The following STX6 variants were observed in gnomAD, a reference collection of about 807,000 sequenced individuals.
The protein encoded by STX6 is syntaxin 6.
A neutral mutation model predicts 38.0 loss-of-function variants in STX6; 23 were observed. The ratio of observed to expected loss-of-function variants is 0.60; its 90% CI spans 0.43 to 0.86. STX6 has a LOEUF of 0.86. Ranked by LOEUF, STX6 falls within the 40% of genes least tolerant of loss-of-function variation. The pLI is 0.00. For missense variants in STX6, 274 were observed against 312.9 expected, an observed-to-expected ratio of 0.88 and a Z score of 0.94; for synonymous variants, 123 against 107.5, an observed-to-expected ratio of 1.14 and a Z score of -0.89.
chr1:180,990,070 C>T lies in STX6; in HGVS notation c.403G>A (p.Gly135Arg). 3 of 1,614,132 alleles carry T rather than the reference C, an allele frequency of 1.9e-6. No homozygotes were observed. The highest frequency in any genetic ancestry group is 2.5e-6 in the Non-Finnish European group (3 of 1,180,008). Residue 135 changes from glycine to arginine, a missense_variant, in exon 5 of 8, where the codon GGA becomes AGA. By Grantham distance (125) the Gly-to-Arg change is moderately radical. Coordinates refer to ENST00000258301, the MANE Select transcript of STX6 (RefSeq NM_005819.6). ...GDSGSQNWST[G>R]TTDKYGRLDR... ...AGACGCCCATATTTATCTGTTGTTC[C>T]AGTGCTCCAGTTCTGGCTGCCACTG...
At chr1:181,020,471 C>T (rs950489071) in intron 1 of STX6, among the ~76,000 whole-genome samples, 6 of 152,156 alleles carry the variant, frequency 3.9e-5, no homozygotes, top group African/African-American at 1.4e-4. Flanking sequence ...AAATGACATA[C>T]ATGGCTGGCA....
chr1:180,997,333 G>T (rs1036428063), intron 3 of STX6, among the ~76,000 whole-genome samples: 5 of 152,180 alleles, frequency 3.3e-5, no homozygotes, highest in Non-Finnish European at 5.9e-5. Flanking sequence ...TTAAAATGTG[G>T]TCAGTGCAAC....
Position 180,988,355 on chromosome 1 carries a change from G to T in STX6, c.490-10C>A. On this transcript the variant is annotated splice_polypyrimidine_tract_variant and intron_variant, in intron 5 of 7. Coordinates refer to ENST00000258301, the MANE Select transcript of STX6 (RefSeq NM_005819.6). Reference sequence around the variant, plus strand: ...GCTGTTCCACGATCAACTGGTGCCAGAGAAATGGGAAATAAGCAATTAAAA... The same window carrying T: ...GCTGTTCCACGATCAACTGGTGCCATAGAAATGGGAAATAAGCAATTAAAA... The T allele has an allele frequency of 6.2e-7, 1 of 1,607,010 alleles. No homozygotes were observed.
intron 1 of STX6, among the ~76,000 whole-genome samples, chr1:181,019,692 G>A (rs1656670448): frequency 6.6e-6 from 1 of 152,258 alleles, no homozygotes; most frequent in East Asian, 1.9e-4. Flanking sequence ...ATTAAGTAGG[G>A]TACACCTGTC....
intron 4 of STX6, among the ~76,000 whole-genome samples, chr1:180,992,702 G>T (rs143208338): frequency 1.7e-4 from 26 of 152,312 alleles, no homozygotes; most frequent in Non-Finnish European, 3.2e-4. Context: ...AATTCTAGAT[G>T]ATCATTCTAC....
chr1:180,983,789 G>A (rs1419964622), intron 7 of STX6, among the ~76,000 whole-genome samples: 2 of 152,154 alleles, frequency 1.3e-5, no homozygotes, highest in Admixed American at 6.5e-5. Context: ...ACTGGGCTGG[G>A]CGCGGTGGCT....
At chr1:180,988,409 C>A in intron 5 of STX6, 64 bp from the exon 6 acceptor site, 1 of 1,268,682 alleles carries the variant, frequency 7.9e-7, no homozygotes, top group South Asian at 1.2e-5. Flanking sequence ...AAGCCCAGCA[C>A]TCTAGCAGCT....
At chr1:181,001,072 G>GT (rs2102318388) in intron 3 of STX6, among the ~76,000 whole-genome samples, 1 of 152,222 alleles carries the variant, frequency 6.6e-6, no homozygotes, top group South Asian at 2.1e-4. Flanking sequence ...TAAAATGTGG[G>GT]TTTATCTATA....
intron 3 of STX6, among the ~76,000 whole-genome samples, chr1:180,999,749 T>C (rs1656023698): frequency 6.6e-6 from 1 of 151,404 alleles, no homozygotes; most frequent in Non-Finnish European, 1.5e-5. Context: ...GTTTGAAAGA[T>C]AAAGTCAATC....
Position 180,976,766 on chromosome 1 carries a change from G to C in STX6, c.692-120C>G, listed in dbSNP as rs553551275. 969 of 890,082 alleles carry C rather than the reference G, an allele frequency of 1.1e-3. 7 individuals are homozygous for C. The African/African-American group carries it at 0.014, about 13-fold the overall frequency. 55.1% of individuals were successfully genotyped at this position (890,082 alleles called of 1,614,324 possible). On this transcript the variant is annotated intron_variant, in intron 7 of 7. Transcript: ENST00000258301. ...AGGGGCAGAACGTGCAAATGACGGG[G>C]CCATGATCTTACACCTGCCTAGGTG...
At chr1:181,002,745 G>T in intron 2 of STX6, 45 bp from the exon 3 acceptor site, 1 of 1,312,540 alleles carries the variant, frequency 7.6e-7, no homozygotes, top group South Asian at 1.2e-5. Flanking sequence ...ATCAAAGCCT[G>T]ACAACATCCT....
Position 181,012,755 on chromosome 1 carries a change from A to C in STX6, c.36-7292T>G, listed in dbSNP as rs534955514. Among the ~76,000 whole-genome samples, 140 of 149,074 alleles carry C rather than the reference A, an allele frequency of 9.4e-4. 5 individuals carry two copies. In the South Asian group the frequency reaches 0.029, roughly 30 times the overall value. On this transcript the variant is annotated intron_variant, in intron 1 of 7. Transcript: ENST00000258301. ...AATGGCACAATCTCAGCTCACCACA[A>C]CCTCCGCCTCCCAGGTTCAAGCAAT...
At position 180,976,605 on chromosome 1, in the gene STX6, G is replaced by A. The variant is rs199721216; in HGVS notation, c.733C>T (p.Leu245=). ...AAGAAGAGGATGAGCACAACCAACA[G>A]GACTGCAAAGAGGATGGCTATGGCA... ...WCAIAILFAV[L]LVVLILFLVL The change falls in exon 8 of 8, where the codon CTG becomes TTG. Residue 245 remains leucine (L), a synonymous_variant. Transcript: ENST00000258301. 1.9e-6 allele frequency: 3 copies of A among 1,613,730 alleles called. No individual in the cohort carries two copies. The highest frequency in any genetic ancestry group is 2.5e-6 in the Non-Finnish European group (3 of 1,180,018).
intron 2 of STX6, among the ~76,000 whole-genome samples, chr1:181,004,855 G>A (rs1428325471): frequency 6.6e-6 from 1 of 151,788 alleles, no homozygotes; most frequent in Non-Finnish European, 1.5e-5. Flanking sequence ...CAGTCTTGTG[G>A]GACTGAGCTC....
At chr1:180,994,654 G>T (rs1655847208) in intron 3 of STX6, among the ~76,000 whole-genome samples, 1 of 152,176 alleles carries the variant, frequency 6.6e-6, no homozygotes. Context: ...ATAGATAGGT[G>T]GTTACCTGAG....
Position 180,998,107 on chromosome 1 carries a change from T to C in STX6, c.300+4499A>G, listed in dbSNP as rs574264155. ...GAAGAAAATGCAAAGTCTTGTGCTA[T>C]GTATTATTCTGAGTTTAGATTCCTT... is the stretch of plus-strand genomic sequence containing the variant. On this transcript the variant is annotated intron_variant, in intron 3 of 7. Transcript: ENST00000258301. Among the ~76,000 whole-genome samples the C allele has an allele frequency of 3.9e-5, 6 of 152,360 alleles. No individual in the cohort carries two copies. In the South Asian group the frequency reaches 1.0e-3, roughly 26 times the overall value.
Position 180,976,639 on chromosome 1 carries a change from G to C in STX6, c.699C>G (p.Arg233=), listed in dbSNP as rs747843812. 6.2e-7 allele frequency: 1 copy of C among 1,613,344 alleles called. No homozygotes were observed. The highest frequency in any genetic ancestry group is 1.1e-5 in the South Asian group (1 of 91,088). The change falls in exon 8 of 8, where the codon CGC becomes CGG. Residue 233 remains arginine, a synonymous_variant. Coordinates refer to ENST00000258301, the MANE Select transcript of STX6 (RefSeq NM_005819.6). ...AKVSHMTSDR[R]QWCAIAILFA... ...AGAGGATGGCTATGGCACACCATTG[G>C]CGCCGATCTGGAAGGCAGGACATGG...
At chr1:181,019,676 A>T (rs1656669953) in intron 1 of STX6, among the ~76,000 whole-genome samples, 1 of 152,194 alleles carries the variant, frequency 6.6e-6, no homozygotes, top group South Asian at 2.1e-4. Flanking sequence ...GCAGCCACTG[A>T]ATAATATTAA....
rs115073792 is a variant in STX6, at chr1:181,000,026, C to T, written c.300+2580G>A. ...AGCACCATTGCTATTTCCTCCTCTTCTATAGGACTTTCAACTAGAATTTAT... is the reference window on the plus strand; with the variant it reads ...AGCACCATTGCTATTTCCTCCTCTTTTATAGGACTTTCAACTAGAATTTAT... On this transcript the variant is annotated intron_variant, in intron 3 of 7. Transcript: ENST00000258301. Among the ~76,000 whole-genome samples the T allele has an allele frequency of 1.2e-3, 186 of 152,300 alleles. 1 individual carries two copies. The highest frequency in any genetic ancestry group is 2.2e-3 in the Non-Finnish European group (147 of 68,028).
Sources: gnomAD v4.1 joint callset for allele counts (sites outside exome capture counted in the v4.1 genomes callset) on GRCh38, gnomAD v4.1.1 for gene constraint, MANE v1.5 for transcripts, NCBI Gene and HGNC (gene_info 2026-07-23, HGNC 2026-07-21) for gene names.